Variants in GIGYF2 observed in about 807,000 individuals in gnomAD.
GIGYF2 encodes the protein GRB10 interacting GYF protein 2.
In GIGYF2, 25 loss-of-function variants were observed where a neutral mutation model predicts 208.1. The observed-to-expected ratio is 0.12, with a 90% CI of 0.09 to 0.17. The LOEUF is 0.17. Ranked by LOEUF, GIGYF2 falls within the 10% of genes least tolerant of loss-of-function variation. The pLI is 1.00. For synonymous variants in GIGYF2, 534 were observed against 543.8 expected (o/e 0.98, Z 0.25); for missense variants, 1,302 against 1,579.4 (o/e 0.82, Z 2.98).
chr2:232,781,233 A>G lies in GIGYF2; in HGVS notation c.533-5917A>G, dbSNP rs564677062. 3.1e-3 allele frequency among the ~76,000 whole-genome samples: 475 copies of G among 151,882 alleles called. 4 individuals are homozygous for G. Among genetic ancestry groups the G allele is most frequent in the African/African-American group, 0.01 (416 of 41,408 alleles). On this transcript the variant is annotated intron_variant, in intron 8 of 28. Transcript: ENST00000373563. ...CTCGGCCTCTGAAAGTGCTGGGATTATAGGCATGAGCCAACATGCCTGACC... is the reference window on the plus strand; with the variant it reads ...CTCGGCCTCTGAAAGTGCTGGGATTGTAGGCATGAGCCAACATGCCTGACC...
At chr2:232,768,099 A>C in intron 8 of GIGYF2, 2 of 1,256,274 alleles carry the variant, frequency 1.6e-6, no homozygotes, top group South Asian at 1.2e-5. Context: ...AGCTATAATT[A>C]GCATTGAAAA....
intron 8 of GIGYF2, chr2:232,771,063 G>T: frequency 6.2e-7 from 1 of 1,614,024 alleles, no homozygotes; most frequent in African/African-American, 1.3e-5. Flanking sequence ...TGATATACTT[G>T]ACACAGATAG....
chr2:232,817,411 A>G (rs1329873582), intron 20 of GIGYF2, among the ~76,000 whole-genome samples: 1 of 152,258 alleles, frequency 6.6e-6, no homozygotes, highest in Non-Finnish European at 1.5e-5. Flanking sequence ...CATAAAATTT[A>G]CCATTTTAAG....
In GIGYF2 at chr2:232,787,199, T is replaced by A; in HGVS notation, c.582T>A (p.His194Gln). Reference sequence around the variant, plus strand: ...GACCAACATCAGTAGGGAGAAAGCATGAATTTATACGCTCAGAAAGTGAAA... The same window carrying A: ...GACCAACATCAGTAGGGAGAAAGCAAGAATTTATACGCTCAGAAAGTGAAA... The part of the protein sequence containing the change: ...EGGPTSVGRK[H>Q]EFIRSESENW... Residue 194 changes from histidine to glutamine, a missense_variant, in exon 9 of 29, where the codon CAT becomes CAA. By Grantham distance (24) the His-to-Gln change is conservative. Coordinates refer to ENST00000373563, the MANE Select transcript of GIGYF2 (RefSeq NM_001103146.3). 1.2e-6 allele frequency: 2 copies of A among 1,614,068 alleles called. No individual in the cohort carries two copies. Among genetic ancestry groups the A allele is most frequent in the Middle Eastern group, 1.6e-4 (1 of 6,062 alleles).
In GIGYF2 at chr2:232,762,242, T is replaced by G. The variant is rs919277084; in HGVS notation, c.532+806T>G. On this transcript the variant is annotated intron_variant, in intron 8 of 28. Transcript: ENST00000373563. The stretch of plus-strand genomic sequence containing the variant: ...TAATCATGTCTTTTTTTTTTTGTTT[T>G]TTTTTTTGTTTTTTTTTGAGACAGA... Among the ~76,000 whole-genome samples the G allele has an allele frequency of 6.8e-5, 10 of 147,634 alleles. No individual in the cohort carries two copies. The East Asian group carries it at 2.0e-3, about 29-fold the overall frequency.
At chr2:232,781,285 AATACAC>A (rs1427619039) in intron 8 of GIGYF2, among the ~76,000 whole-genome samples, 2 of 64,852 alleles carry the variant, frequency 3.1e-5, no homozygotes, top group Non-Finnish European at 5.9e-5. Flanking sequence ...TTATATCAGG[AATACAC>A]ACACACACAC....
intron 2 of GIGYF2, among the ~76,000 whole-genome samples, chr2:232,729,286 G>T (rs879038370): frequency 1.3e-5 from 2 of 152,128 alleles, no homozygotes; most frequent in Admixed American, 1.3e-4. Context: ...GGCCTCCAGA[G>T]CTGTTTTCTA....
intron 8 of GIGYF2, among the ~76,000 whole-genome samples, chr2:232,778,303 G>C (rs1021707744): frequency 6.6e-6 from 1 of 152,136 alleles, no homozygotes; most frequent in African/African-American, 2.4e-5. Context: ...TTTTTCCATA[G>C]TATACTTGGT....
intron 23 of GIGYF2, chr2:232,842,813 G>A (rs1232013919): frequency 6.6e-6 from 1 of 152,216 alleles, no homozygotes; most frequent in Non-Finnish European, 1.5e-5. Context: ...ACAGGATAAT[G>A]TGCCAGTCTG....
chr2:232,728,729 T>C (rs1697318089), intron 2 of GIGYF2, among the ~76,000 whole-genome samples: 1 of 152,164 alleles, frequency 6.6e-6, no homozygotes, highest in Admixed American at 6.5e-5. Context: ...ACCCCTACTC[T>C]CTGCATGCCC....
intron 2 of GIGYF2, among the ~76,000 whole-genome samples, chr2:232,718,185 C>T (rs1047335396): frequency 6.6e-6 from 1 of 152,098 alleles, no homozygotes; most frequent in Non-Finnish European, 1.5e-5. Flanking sequence ...GCAACCTCCA[C>T]CTCCCAGGTT....
At chr2:232,739,367 C>CG (rs1559395347) in intron 3 of GIGYF2, among the ~76,000 whole-genome samples, 2 of 135,076 alleles carry the variant, frequency 1.5e-5, no homozygotes, top group Admixed American at 1.5e-4. Context: ...GCAAACCCCC[C>CG]CCCCCCCGCA....
At chr2:232,837,483 C>G (rs1230912963) in intron 22 of GIGYF2, among the ~76,000 whole-genome samples, 1 of 152,166 alleles carries the variant, frequency 6.6e-6, no homozygotes, top group East Asian at 1.9e-4. Context: ...GAGACAGGGT[C>G]TGGCTCTGTC....
rs1698194824 is a variant in GIGYF2, at chr2:232,747,651, C to T, written c.78C>T (p.Ser26=). 1.2e-6 allele frequency: 2 copies of T among 1,613,490 alleles called. No homozygotes were observed. Reference sequence around the variant, plus strand: ...TGTCCAGTGGTGGGAGTATTACATCCCCTCCTCTTTCTCCAGCATTGCCGA... The same window carrying T: ...TGTCCAGTGGTGGGAGTATTACATCTCCTCCTCTTTCTCCAGCATTGCCGA... ...RALSSGGSIT[S]PPLSPALPKY... Residue 26 remains serine (S), a synonymous_variant, in exon 4 of 29, where the codon TCC becomes TCT. Coordinates refer to ENST00000373563, the MANE Select transcript of GIGYF2 (RefSeq NM_001103146.3).
intron 14 of GIGYF2, among the ~76,000 whole-genome samples, chr2:232,797,526 T>TG (rs1553614943): frequency 4.0e-5 from 6 of 150,650 alleles, no homozygotes; most frequent in East Asian, 3.9e-4. Flanking sequence ...TGTGTGTGTG[T>TG]TTTAACCAAA....
chr2:232,714,173 G>A (rs187677536), intron 2 of GIGYF2, among the ~76,000 whole-genome samples: 210 of 152,068 alleles, frequency 1.4e-3, no homozygotes, highest in Non-Finnish European at 1.9e-3. Flanking sequence ...GGATGGTTTC[G>A]ATCTCCTGAC....
Position 232,747,624 on chromosome 2 carries a change from T to C in GIGYF2, c.51T>C (p.Ala17=). ...GTCTTTTCTATTCTAGGCTCCGAGC[T>C]CTGTCCAGTGGTGGGAGTATTACAT... ...TLNFGPEWLR[A]LSSGGSITSP... Residue 17 remains alanine, a synonymous_variant, in exon 4 of 29, where the codon GCT becomes GCC. Transcript: ENST00000373563. 6.2e-7 allele frequency: 1 copy of C among 1,614,056 alleles called. No homozygotes were observed. The highest frequency in any genetic ancestry group is 8.5e-7 in the Non-Finnish European group (1 of 1,179,896).
At chr2:232,772,063 C>A (rs1277749505) in intron 8 of GIGYF2, among the ~76,000 whole-genome samples, 1 of 152,158 alleles carries the variant, frequency 6.6e-6, no homozygotes, top group Non-Finnish European at 1.5e-5. Context: ...TAGCTCACTG[C>A]AACCTCAGCA....
intron 2 of GIGYF2, among the ~76,000 whole-genome samples, chr2:232,721,326 G>C (rs1458393436): frequency 6.6e-6 from 1 of 152,168 alleles, no homozygotes; most frequent in Non-Finnish European, 1.5e-5. Context: ...TAATTCCTAA[G>C]GCTTTCCTCT....
Sources: gnomAD v4.1 joint callset for allele counts (sites outside exome capture counted in the v4.1 genomes callset) on GRCh38, gnomAD v4.1.1 for gene constraint, MANE v1.5 for transcripts, NCBI Gene and HGNC (gene_info 2026-07-23, HGNC 2026-07-21) for gene names.